Variants in PREX2 observed in about 807,000 individuals in gnomAD.
The protein encoded by PREX2 is phosphatidylinositol 3,4,5-trisphosphate-dependent Rac exchanger 2 protein.
A neutral mutation model predicts 203.2 loss-of-function variants in PREX2; 107 were observed. The ratio of observed to expected loss-of-function variants is 0.53; its 90% CI spans 0.45 to 0.62. PREX2 has a LOEUF of 0.62. Ranked by LOEUF, PREX2 falls within the 20% of genes least tolerant of loss-of-function variation. The pLI, the probability that PREX2 is intolerant of heterozygous loss-of-function variation, is 0.00. For synonymous variants in PREX2, 672 were observed against 663.6 expected (o/e 1.01, Z -0.19); for missense variants, 1,777 against 1,955.9 (o/e 0.91, Z 1.72).
intron 8 of PREX2, among the ~76,000 whole-genome samples, chr8:68,052,573 T>C (rs1218321501): frequency 2.6e-5 from 4 of 152,232 alleles, no homozygotes; most frequent in Admixed American, 6.5e-5. Flanking sequence ...GGCATTTGTA[T>C]GTTTCCATTT....
At position 67,992,951 on chromosome 8, in the gene PREX2, T is replaced by C. The variant is rs544165095; in HGVS notation, c.142-24895T>C. Among the ~76,000 whole-genome samples, 4 of 152,320 alleles carry C rather than the reference T, an allele frequency of 2.6e-5. No homozygotes were observed. In the South Asian group the frequency reaches 8.3e-4, roughly 32 times the overall value. Reference sequence around the variant, plus strand: ...ATTCAATGGGAAATTCTAAGATTATTAGAAATTGCAGTTTTTACTTAAAAC... The same window carrying C: ...ATTCAATGGGAAATTCTAAGATTATCAGAAATTGCAGTTTTTACTTAAAAC... On this transcript the variant is annotated intron_variant, in intron 1 of 39. Transcript: ENST00000288368.
Position 68,062,286 on chromosome 8 carries a change from C to T in PREX2, c.1339+1507C>T, listed in dbSNP as rs137956060. The stretch of plus-strand genomic sequence containing the variant: ...TTCTCCACTCCTGTAGTACACTCTC[C>T]GGGTCACAGCTAAAGAGACCTTTTA... On this transcript the variant is annotated intron_variant, in intron 11 of 39. Coordinates refer to ENST00000288368, the MANE Select transcript of PREX2 (RefSeq NM_024870.4). 2.2e-3 allele frequency among the ~76,000 whole-genome samples: 337 copies of T among 152,290 alleles called. 3 individuals are homozygous for T. Among genetic ancestry groups the T allele is most frequent in the East Asian group, 5.0e-3 (26 of 5,178 alleles).
chr8:68,130,816 T>C (rs1279471334), intron 31 of PREX2, among the ~76,000 whole-genome samples: 1 of 152,134 alleles, frequency 6.6e-6, no homozygotes, highest in African/African-American at 2.4e-5. Flanking sequence ...AGCCCTCCAG[T>C]AGAAGGATAC....
chr8:68,165,569 G>A (rs1306792433), intron 35 of PREX2, among the ~76,000 whole-genome samples: 1 of 152,070 alleles, frequency 6.6e-6, no homozygotes. Context: ...CACAAGAGGA[G>A]TTTCAGGGAG....
At chr8:68,110,943 C>T (rs1168309797) in intron 25 of PREX2, 6 of 432,610 alleles carry the variant, frequency 1.4e-5, no homozygotes, top group East Asian at 7.4e-5. Flanking sequence ...TGAATTAAAC[C>T]GTTCAAGATT....
intron 37 of PREX2, among the ~76,000 whole-genome samples, chr8:68,199,512 A>G (rs1469589474): frequency 6.6e-6 from 1 of 152,254 alleles, no homozygotes; most frequent in Non-Finnish European, 1.5e-5. Context: ...TCTTCTAACT[A>G]GAACACAGGA....
At chr8:67,998,266 A>G (rs571201900) in intron 1 of PREX2, among the ~76,000 whole-genome samples, 129 of 152,250 alleles carry the variant, frequency 8.5e-4, no homozygotes, top group South Asian at 5.2e-3. Flanking sequence ...GGATGCCTCT[A>G]AGCTCCTCTG....
chr8:67,973,724 T>A (rs1349371012), intron 1 of PREX2, among the ~76,000 whole-genome samples: 2 of 152,182 alleles, frequency 1.3e-5, no homozygotes, highest in African/African-American at 2.4e-5. Context: ...TTTGTGATAA[T>A]TTTTTTGTGT....
intron 31 of PREX2, among the ~76,000 whole-genome samples, chr8:68,132,769 T>C (rs1379823226): frequency 6.6e-6 from 1 of 152,116 alleles, no homozygotes; most frequent in African/African-American, 2.4e-5. Flanking sequence ...TTAGTACACA[T>C]TTGAGAGGAG....
intron 8 of PREX2, among the ~76,000 whole-genome samples, chr8:68,052,823 G>C (rs1204506808): frequency 6.6e-6 from 1 of 152,188 alleles, no homozygotes. Context: ...TTTGTGCATA[G>C]AGCATGTAAG....
rs186666854 is a variant in PREX2, at chr8:67,992,080, A to C, written c.142-25766A>C. On this transcript the variant is annotated intron_variant, in intron 1 of 39. Transcript: ENST00000288368. ...GAAGAGGGAGCGTGTAGATTCCCTC[A>C]GTGAAGGACTCTGGTCTTTCCCTTG... 1.7e-3 allele frequency among the ~76,000 whole-genome samples: 261 copies of C among 151,914 alleles called. 3 individuals carry two copies. The highest frequency in any genetic ancestry group is 7.8e-4 in the Non-Finnish European group (53 of 67,888).
intron 38 of PREX2, among the ~76,000 whole-genome samples, chr8:68,218,640 C>A (rs779268356): frequency 6.6e-6 from 1 of 152,142 alleles, no homozygotes; most frequent in Non-Finnish European, 1.5e-5. Flanking sequence ...ATCTAACTCG[C>A]AGGCAAACGT....
intron 25 of PREX2, chr8:68,114,246 T>C (rs1810596433): frequency 2.1e-6 from 1 of 474,630 alleles, no homozygotes; most frequent in East Asian, 5.9e-5. Flanking sequence ...AATCACTTAA[T>C]AGGTATTTAT....
chr8:68,079,361 T>A (rs1349208204), intron 15 of PREX2, among the ~76,000 whole-genome samples: 1 of 152,242 alleles, frequency 6.6e-6, no homozygotes, highest in Non-Finnish European at 1.5e-5. Flanking sequence ...CAAATAGCTA[T>A]CCCTTTTGAC....
chr8:67,959,430 C>T (rs1261562830), intron 1 of PREX2, among the ~76,000 whole-genome samples: 3 of 151,814 alleles, frequency 2.0e-5, no homozygotes, highest in African/African-American at 4.8e-5. Context: ...GTGGTAACTG[C>T]GAGGAGAGAA....
intron 1 of PREX2, among the ~76,000 whole-genome samples, chr8:67,978,188 G>A (rs1006058841): frequency 1.3e-5 from 2 of 152,074 alleles, no homozygotes; most frequent in Non-Finnish European, 2.9e-5. Flanking sequence ...GGTGTGTGGG[G>A]AAATCTCCCC....
chr8:68,179,379 A>G (rs983431885), intron 35 of PREX2, among the ~76,000 whole-genome samples: 3 of 151,918 alleles, frequency 2.0e-5, no homozygotes, highest in African/African-American at 4.8e-5. Context: ...TTGGCCTATT[A>G]TATATCTGTG....
At chr8:68,229,722 C>T (rs184847179) in intron 39 of PREX2, among the ~76,000 whole-genome samples, 149 of 152,320 alleles carry the variant, frequency 9.8e-4, no homozygotes, top group Non-Finnish European at 2.1e-4. Context: ...CAGCCCAGAT[C>T]TCATGGGGCA....
intron 5 of PREX2, among the ~76,000 whole-genome samples, chr8:68,027,672 T>C (rs1010386049): frequency 6.6e-6 from 1 of 152,154 alleles, no homozygotes; most frequent in Non-Finnish European, 1.5e-5. Flanking sequence ...ACTGCTGGTA[T>C]ATTTTTGATT....
Sources: allele counts gnomAD v4.1 joint callset (sites outside exome capture counted in the v4.1 genomes callset), GRCh38; gene constraint gnomAD v4.1.1; transcripts MANE v1.5; gene names NCBI Gene and HGNC (gene_info 2026-07-23, HGNC 2026-07-21).